Variants in PCBD2 observed in about 807,000 individuals in gnomAD.
PCBD2 encodes the protein pterin-4 alpha-carbinolamine dehydratase 2, also known as pterin-4-alpha-carbinolamine dehydratase 2.
Under a neutral mutation model 16.4 loss-of-function variants are expected in PCBD2, and 12 were observed. The ratio of observed to expected loss-of-function variants is 0.73; its 90% confidence interval spans 0.47 to 1.19. The LOEUF (loss-of-function observed/expected upper bound fraction) is 1.19, where lower values mean the gene tolerates loss of function less well. PCBD2 is among the 50% of genes most tolerant of loss of function. The pLI is 0.00. For synonymous variants in PCBD2, 58 were observed against 61.8 expected (o/e 0.94, Z 0.29); for missense variants, 138 against 156.8 (o/e 0.88, Z 0.64).
chr5:134,922,850 A>T (rs1481347680), intron 2 of PCBD2, among the ~76,000 whole-genome samples: 3 of 151,590 alleles, frequency 2.0e-5, no homozygotes, highest in African/African-American at 4.8e-5. Flanking sequence ...TTATTTATTT[A>T]TTTTTTTAGT....
intron 2 of PCBD2, chr5:134,925,747 T>A (rs1750983945): frequency 2.5e-6 from 1 of 396,388 alleles, no homozygotes; most frequent in Admixed American, 4.4e-5. Flanking sequence ...GGTGGGGCCT[T>A]CTATGGCTGA....
intron 2 of PCBD2, among the ~76,000 whole-genome samples, chr5:134,943,740 G>A (rs929372785): frequency 6.6e-6 from 1 of 152,170 alleles, no homozygotes; most frequent in African/African-American, 2.4e-5. Context: ...GACTGCAGTG[G>A]AGCTGGGGTT....
chr5:134,910,226 A>G, intron 1 of PCBD2, 109 bp from the exon 2 acceptor site: 1 of 1,184,548 alleles, frequency 8.4e-7, no homozygotes, highest in Non-Finnish European at 1.2e-6. Context: ...GATGGTTAGA[A>G]TTTGTTGCCT....
chr5:134,924,093 T>C, intron 2 of PCBD2: 1 of 397,556 alleles, frequency 2.5e-6, no homozygotes. Flanking sequence ...TTTCATATCA[T>C]TGGTCGTGGT....
Position 134,905,148 on chromosome 5 carries a change from G to A in PCBD2, c.9G>A (p.Ala3=). 5 of 1,220,516 alleles carry A rather than the reference G, an allele frequency of 4.1e-6. No individual in the cohort carries two copies. The highest frequency in any genetic ancestry group is 5.1e-6 in the Non-Finnish European group (5 of 981,042). The allele number at this position is 1,220,516 out of a possible 1,614,324, so 75.6% of individuals were successfully genotyped here. ...CCCTCGGCAGACGGCCAATGGCGGC[G>A]GTGCTCGGGGCGCTCGGGGCGACGC... is the stretch of plus-strand genomic sequence containing the variant. The part of the protein sequence containing the change: MA[A]VLGALGATRR... The change falls in exon 1 of 4, where the codon GCG becomes GCA. Residue 3 remains alanine, a synonymous_variant. Coordinates refer to ENST00000254908, the MANE Select transcript of PCBD2 (RefSeq NM_032151.5).
intron 2 of PCBD2, chr5:134,928,521 A>C (rs542480608): frequency 3.5e-6 from 1 of 287,856 alleles, no homozygotes; most frequent in African/African-American, 2.2e-5. Flanking sequence ...GGCAAGGGTA[A>C]AAGGAGTGAA....
chr5:134,908,180 C>T (rs938292315), intron 1 of PCBD2, among the ~76,000 whole-genome samples: 4 of 151,214 alleles, frequency 2.6e-5, no homozygotes, highest in Non-Finnish European at 5.9e-5. Context: ...CCTCAGCTTC[C>T]CAAAGTGCCA....
chr5:134,912,061 A>G (rs1170421643), intron 2 of PCBD2, among the ~76,000 whole-genome samples: 1 of 152,250 alleles, frequency 6.6e-6, no homozygotes, highest in South Asian at 2.1e-4. Context: ...CTCCAGCACC[A>G]TTCTGACCTT....
rs764068735 is a variant in PCBD2 at position 134,960,924 on chromosome 5, G to A, written c.*243G>A. The A allele has an allele frequency of 6.2e-5, 21 of 336,038 alleles. No individual in the cohort carries two copies. The highest frequency in any genetic ancestry group is 9.4e-5 in the Admixed American group (2 of 21,366). 20.8% of individuals were successfully genotyped at this position (336,038 alleles called of 1,614,324 possible). On this transcript the variant is annotated 3_prime_UTR_variant, in exon 4 of 4. Transcript: ENST00000254908. ...TGGGATTACAAGCACGTGTCACCAC[G>A]CCTGGCTAATTTTTGTATTTTTAGT... is the stretch of plus-strand genomic sequence containing the variant.
intron 2 of PCBD2, among the ~76,000 whole-genome samples, chr5:134,915,845 T>G (rs753086176): frequency 2.0e-5 from 3 of 152,056 alleles, no homozygotes; most frequent in Non-Finnish European, 4.4e-5. Context: ...TCAGTGGGGT[T>G]TAAGGGAGGC....
At chr5:134,955,443 G>A (rs1751404211) in intron 2 of PCBD2, among the ~76,000 whole-genome samples, 1 of 151,692 alleles carries the variant, frequency 6.6e-6, no homozygotes, top group Non-Finnish European at 1.5e-5. Flanking sequence ...GAGTAGCTGG[G>A]ACTACAGGCA....
rs554832170 is a variant in PCBD2, at chr5:134,960,852, C to T, written c.*171C>T. The T allele has an allele frequency of 5.3e-5, 27 of 513,614 alleles. No homozygotes were observed. The highest frequency in any genetic ancestry group is 3.5e-4 in the South Asian group (15 of 42,644). 31.8% of individuals were successfully genotyped at this position (513,614 alleles called of 1,614,324 possible). On this transcript the variant is annotated 3_prime_UTR_variant, in exon 4 of 4. Coordinates refer to ENST00000254908, the MANE Select transcript of PCBD2 (RefSeq NM_032151.5). ...TATGATCTCGGCTCACTGTAACCTC[C>T]GCCTCCCAGGTTCAGGTGATTCTCC...
chr5:134,960,834 T>C lies in PCBD2; in HGVS notation c.*153T>C. The C allele has an allele frequency of 1.7e-6, 1 of 591,768 alleles. No homozygotes were observed. Among genetic ancestry groups the C allele is most frequent in the Admixed American group, 3.1e-5 (1 of 32,076 alleles). 36.7% of individuals were successfully genotyped at this position (591,768 alleles called of 1,614,324 possible). On this transcript the variant is annotated 3_prime_UTR_variant, in exon 4 of 4. Coordinates refer to ENST00000254908, the MANE Select transcript of PCBD2 (RefSeq NM_032151.5). ...CAGGCCAGAGTGCAGTGGTATGATC[T>C]CGGCTCACTGTAACCTCCGCCTCCC...
rs887312950 is a variant in PCBD2 at position 134,962,538 on chromosome 5, C to T, written c.*1857C>T. 6.6e-6 allele frequency among the ~76,000 whole-genome samples: 1 copy of T among 152,174 alleles called. No homozygotes were observed. Among genetic ancestry groups the T allele is most frequent in the Non-Finnish European group, 1.5e-5 (1 of 68,030 alleles). ...AAAGTGCTGGGATTACAGGCGTGAG[C>T]CACTGCGCCTGGCCTATAACAATTC... On this transcript the variant is annotated 3_prime_UTR_variant, in exon 4 of 4. Transcript: ENST00000254908.
Position 134,940,891 on chromosome 5 carries a change from A to G in PCBD2, c.217-18149A>G, listed in dbSNP as rs534373524. On this transcript the variant is annotated intron_variant, in intron 2 of 3. Coordinates refer to ENST00000254908, the MANE Select transcript of PCBD2 (RefSeq NM_032151.5). ...ACGCCTGTAATCCCAGCACTTTGGA[A>G]GGCCGAGGAAGGTGGATCATGAGGT... Among the ~76,000 whole-genome samples the G allele has an allele frequency of 2.6e-5, 4 of 152,170 alleles. No homozygotes were observed. In the East Asian group the frequency reaches 7.7e-4, roughly 29 times the overall value.
At position 134,961,685 on chromosome 5, in the gene PCBD2, T is replaced by G. The variant is rs1030366120; in HGVS notation, c.*1004T>G. On this transcript the variant is annotated 3_prime_UTR_variant, in exon 4 of 4. Coordinates refer to ENST00000254908, the MANE Select transcript of PCBD2 (RefSeq NM_032151.5). ...TCTGGTGACTACAAATGCATTGTTT[T>G]GGAGAATAGTTGTAAGGTGGAAAAA... Among the ~76,000 whole-genome samples the G allele has an allele frequency of 4.8e-4, 73 of 152,350 alleles. No individual in the cohort carries two copies. The highest frequency in any genetic ancestry group is 1.6e-3 in the African/African-American group (65 of 41,590).
intron 2 of PCBD2, among the ~76,000 whole-genome samples, chr5:134,953,007 G>A (rs1455431757): frequency 2.0e-5 from 3 of 151,502 alleles, no homozygotes; most frequent in African/African-American, 4.8e-5. Context: ...CCCTAAATTA[G>A]CCTGTTCAAT....
At chr5:134,905,614 C>T (rs1161316039) in intron 1 of PCBD2, 2 of 181,770 alleles carry the variant, frequency 1.1e-5, no homozygotes, top group Middle Eastern at 2.0e-3. Flanking sequence ...TATGGCGGCT[C>T]CCTGCTCGCG....
chr5:134,924,843 A>G, intron 2 of PCBD2: 1 of 391,942 alleles, frequency 2.6e-6, no homozygotes, highest in Non-Finnish European at 4.5e-6. Context: ...GAAGGCCTAG[A>G]TAAGGGACTG....
Sources: gnomAD v4.1 joint callset for allele counts (sites outside exome capture counted in the v4.1 genomes callset) on GRCh38, gnomAD v4.1.1 for gene constraint, MANE v1.5 for transcripts, NCBI Gene and HGNC (gene_info 2026-07-23, HGNC 2026-07-21) for gene names.